ZFHX3: variants seen among roughly 807,000 people sequenced by gnomAD.
ZFHX3 encodes the protein zinc finger homeobox 3, also known as zinc finger homeobox protein 3.
In ZFHX3, 42 loss-of-function variants were observed where a neutral mutation model predicts 279.1. The ratio of observed to expected loss-of-function variants is 0.15; its 90% confidence interval spans 0.12 to 0.19. The LOEUF (loss-of-function observed/expected upper bound fraction) is 0.19, where lower values mean the gene tolerates loss of function less well. Among genes scored for constraint, ZFHX3 ranks in the 10% least tolerant of loss-of-function variants. ZFHX3 has a pLI of 1.00. For synonymous variants in ZFHX3, 2,293 were observed against 1,957.8 expected, an observed-to-expected ratio of 1.17 and a Z score of -4.52; for missense variants, 4,981 against 4,754.0, an observed-to-expected ratio of 1.05 and a Z score of -1.40.
chr16:73,662,849 G>T (rs2052799631), intron 2 of ZFHX3, among the ~76,000 whole-genome samples: 2 of 152,262 alleles, frequency 1.3e-5, no homozygotes, highest in Middle Eastern at 3.4e-3. Context: ...CAAGCAAAGG[G>T]GAAGTGGGCG....
intron 8 of ZFHX3, among the ~76,000 whole-genome samples, chr16:73,085,830 G>T (rs779355480): frequency 3.3e-5 from 5 of 151,910 alleles, no homozygotes; most frequent in Non-Finnish European, 7.4e-5. Context: ...TTAGAAAAAT[G>T]GAATTACATT....
intron 2 of ZFHX3, among the ~76,000 whole-genome samples, chr16:73,573,365 C>T (rs960534950): frequency 1.3e-5 from 2 of 152,134 alleles, no homozygotes; most frequent in Non-Finnish European, 2.9e-5. Context: ...ATTTCTCCTG[C>T]GCTGTTCTGG....
chr16:73,564,796 TA>T (rs748526018), intron 2 of ZFHX3, among the ~76,000 whole-genome samples: 3 of 152,212 alleles, frequency 2.0e-5, no homozygotes, highest in Non-Finnish European at 4.4e-5. Context: ...AATTAGATGG[TA>T]AATTTTCCAA....
intron 8 of ZFHX3, among the ~76,000 whole-genome samples, chr16:73,079,367 A>C (rs889646220): frequency 6.6e-6 from 1 of 152,116 alleles, no homozygotes; most frequent in Non-Finnish European, 1.5e-5. Flanking sequence ...TCTACAAAAA[A>C]TACAAACATT....
At chr16:73,467,106 T>C (rs1252325872) in intron 2 of ZFHX3, among the ~76,000 whole-genome samples, 1 of 152,138 alleles carries the variant, frequency 6.6e-6, no homozygotes, top group African/African-American at 2.4e-5. Context: ...GTTATAAAGA[T>C]TCTGGCTAAA....
intron 1 of ZFHX3, among the ~76,000 whole-genome samples, chr16:73,808,707 A>G (rs560191300): frequency 4.3e-4 from 66 of 152,324 alleles, no homozygotes; most frequent in African/African-American, 1.5e-3. Context: ...ATTTAAGCAT[A>G]TTAGTTTAGA....
intron 1 of ZFHX3, among the ~76,000 whole-genome samples, chr16:73,016,375 G>A (rs1366305984): frequency 6.6e-6 from 1 of 151,894 alleles, no homozygotes; most frequent in Non-Finnish European, 1.5e-5. Context: ...TACATGACAA[G>A]ATGAAGTGGT....
chr16:73,009,366 C>T lies in ZFHX3; in HGVS notation c.-50+38386G>A, dbSNP rs548599126. Among the ~76,000 whole-genome samples, 85 of 152,084 alleles carry T rather than the reference C, an allele frequency of 5.6e-4. 1 individual carries two copies. The highest frequency in any genetic ancestry group is 5.4e-3 in the South Asian group (26 of 4,814). ...GGATGCCGGTAAACAGAAATCCACA[C>T]GCCTGCACACACAACAGATTACATT... is the stretch of plus-strand genomic sequence containing the variant. On this transcript the variant is annotated intron_variant, in intron 1 of 9. Transcript: ENST00000268489.
At chr16:73,800,829 C>A (rs541603263) in intron 1 of ZFHX3, among the ~76,000 whole-genome samples, 1 of 152,160 alleles carries the variant, frequency 6.6e-6, no homozygotes, top group Non-Finnish European at 1.5e-5. Context: ...AAAAACAGCA[C>A]CCATCCTTCT....
At chr16:73,243,694 T>C (rs2013193546) in intron 5 of ZFHX3, among the ~76,000 whole-genome samples, 1 of 152,174 alleles carries the variant, frequency 6.6e-6, no homozygotes, top group African/African-American at 2.4e-5. Flanking sequence ...CACCACGCTA[T>C]AGACATAGAC....
chr16:73,390,873 A>T (rs1391726051), intron 3 of ZFHX3, among the ~76,000 whole-genome samples: 1 of 152,110 alleles, frequency 6.6e-6, no homozygotes, highest in East Asian at 1.9e-4. Flanking sequence ...CAACCCCCCC[A>T]AAAGAGGGCT....
intron 2 of ZFHX3, among the ~76,000 whole-genome samples, chr16:73,580,029 G>T (rs1291712195): frequency 1.3e-5 from 2 of 148,544 alleles, no homozygotes; most frequent in Non-Finnish European, 3.0e-5. Context: ...ATTATCCTTG[G>T]ACAGTATATA....
At chr16:72,975,869 C>T (rs1962326567) in intron 1 of ZFHX3, among the ~76,000 whole-genome samples, 1 of 152,134 alleles carries the variant, frequency 6.6e-6, no homozygotes, top group South Asian at 2.1e-4. Flanking sequence ...CCACCAAGGC[C>T]ACGTTAAATA....
intron 1 of ZFHX3, among the ~76,000 whole-genome samples, chr16:73,034,648 T>A (rs1027008024): frequency 7.2e-5 from 11 of 152,280 alleles, no homozygotes; most frequent in African/African-American, 2.4e-4. Context: ...GTAATATACA[T>A]GAAGCAGTAA....
chr16:73,039,117 TA>T (rs11343058), intron 1 of ZFHX3, among the ~76,000 whole-genome samples: 38,101 of 133,634 alleles, frequency 0.29, 5,310 homozygotes, highest in Admixed American at 0.4. Flanking sequence ...CCTAGCTAAT[TA>T]AAAAAAAAAA....
At chr16:73,506,018 G>C (rs866706766) in intron 2 of ZFHX3, among the ~76,000 whole-genome samples, 1 of 152,224 alleles carries the variant, frequency 6.6e-6, no homozygotes, top group African/African-American at 2.4e-5. Context: ...GGGATCACAC[G>C]ACAGCGGAAG....
chr16:73,753,598 C>A (rs1181905224), intron 1 of ZFHX3, among the ~76,000 whole-genome samples: 2 of 152,152 alleles, frequency 1.3e-5, no homozygotes, highest in Non-Finnish European at 2.9e-5. Flanking sequence ...TGTGTATTAG[C>A]CCTGCTCAGC....
rs548216888 is a variant in ZFHX3 at position 73,167,971 on chromosome 16, T to C, written c.-1103-24140A>G. On this transcript the variant is annotated intron_variant, in intron 5 of 17. Transcript: ENST00000641206. ...GCTGAAATAAATTCCTACCTCTGTT[T>C]AAATGTTCTTTTGTCTAAATTGTTC... 2.1e-4 allele frequency among the ~76,000 whole-genome samples: 32 copies of C among 152,376 alleles called. No homozygotes were observed. In the South Asian group the frequency reaches 4.6e-3, roughly 22 times the overall value.
At chr16:73,877,715 G>C (rs994255394) in intron 1 of ZFHX3, among the ~76,000 whole-genome samples, 1 of 152,230 alleles carries the variant, frequency 6.6e-6, no homozygotes, top group Non-Finnish European at 1.5e-5. Context: ...ATTATATTCA[G>C]TGGAAAGAGG....
Sources: gnomAD v4.1 joint callset for allele counts (sites outside exome capture counted in the v4.1 genomes callset) on GRCh38, gnomAD v4.1.1 for gene constraint, MANE v1.5 for transcripts, NCBI Gene and HGNC (gene_info 2026-07-23, HGNC 2026-07-21) for gene names.